Variants in OSBPL5 observed in about 807,000 individuals in gnomAD.
OSBPL5 encodes oxysterol-binding protein-related protein 5.
In OSBPL5, 71 loss-of-function variants were observed where a neutral mutation model predicts 111.2. That is an observed-to-expected ratio of 0.64 (90% CI 0.53 to 0.78). The LOEUF (loss-of-function observed/expected upper bound fraction) is 0.78. Among genes scored for constraint, OSBPL5 ranks in the 30% least tolerant of loss-of-function variants. The probability of loss-of-function intolerance (pLI) is 0.00; values close to 1 mark genes in which losing one functional copy is unlikely to be tolerated. For missense variants in OSBPL5, 1,210 were observed against 1,189.3 expected, an observed-to-expected ratio of 1.02 and a Z score of -0.26; for synonymous variants, 549 against 513.9, an observed-to-expected ratio of 1.07 and a Z score of -0.93.
At chr11:3,153,869 T>G (rs1846665961) in intron 1 of OSBPL5, among the ~76,000 whole-genome samples, 1 of 152,204 alleles carries the variant, frequency 6.6e-6, no homozygotes, top group African/African-American at 2.4e-5. Context: ...TCATTTTCTT[T>G]TTTGCTACAT....
intron 1 of OSBPL5, among the ~76,000 whole-genome samples, chr11:3,148,262 T>G (rs1015631438): frequency 1.3e-5 from 2 of 152,220 alleles, no homozygotes; most frequent in African/African-American, 4.8e-5. Flanking sequence ...CTCCCCAAGG[T>G]CATGAGGGGC....
At chr11:3,097,529 G>GAAAA (rs1857315884) in intron 14 of OSBPL5, among the ~76,000 whole-genome samples, 1 of 152,090 alleles carries the variant, frequency 6.6e-6, no homozygotes, top group African/African-American at 2.4e-5. Flanking sequence ...CCAACAAAAC[G>GAAAA]AAAACAAACA....
At position 3,092,394 on chromosome 11, in the gene OSBPL5, C is replaced by T; in HGVS notation, c.2259+38G>A. 1 of 1,540,178 alleles carries T rather than the reference C, an allele frequency of 6.5e-7. No homozygotes were observed. ...GGGGTGGTGGTGGCCACACGTGCAG[C>T]TAAGACCAGCCCTGGGTGGGGCCTG... is the stretch of plus-strand genomic sequence containing the variant. On this transcript the variant is annotated intron_variant, in intron 19 of 21. Transcript: ENST00000263650. The surrounding 1 kb of genome is among the most constrained non-coding windows in gnomAD (Gnocchi z 5.4).
At position 3,104,179 on chromosome 11, in the gene OSBPL5, G is replaced by A. The variant is rs772309275; in HGVS notation, c.1244+14C>T. On this transcript the variant is annotated intron_variant, in intron 10 of 21. Coordinates refer to ENST00000263650, the MANE Select transcript of OSBPL5 (RefSeq NM_020896.4). This position sits in a 1 kb window ranked among gnomAD's most constrained non-coding sequence, Gnocchi z 5.0. Reference sequence around the variant, plus strand: ...GGACGAGGTGTGGGGTGCCCCTCCCGGCATGGCGCGCACCTGGAGAGCAGG... The same window carrying A: ...GGACGAGGTGTGGGGTGCCCCTCCCAGCATGGCGCGCACCTGGAGAGCAGG... 2.0e-5 allele frequency: 32 copies of A among 1,592,472 alleles called. No homozygotes were observed. The highest frequency in any genetic ancestry group is 1.6e-4 in the South Asian group (14 of 90,062).
intron 1 of OSBPL5, among the ~76,000 whole-genome samples, chr11:3,132,968 T>C (rs959321321): frequency 4.0e-5 from 6 of 151,470 alleles, no homozygotes; most frequent in African/African-American, 1.5e-4. Flanking sequence ...TCGGTGGTTG[T>C]GCAGCAGGCA....
At position 3,142,929 on chromosome 11, in the gene OSBPL5, A is replaced by G. The variant is rs1313692707; in HGVS notation, c.-21-13760T>C. On this transcript the variant is annotated intron_variant, in intron 1 of 21. Coordinates refer to ENST00000263650, the MANE Select transcript of OSBPL5 (RefSeq NM_020896.4). The surrounding 1 kb of genome is among the most constrained non-coding windows in gnomAD (Gnocchi z 7.1). ...ACGGCACACGGGGTGGGGGTGTGTG[A>G]GCAGAGACCCTTGGGACCCAGCATC... Among the ~76,000 whole-genome samples the G allele has an allele frequency of 2.0e-5, 3 of 149,954 alleles. No homozygotes were observed. The highest frequency in any genetic ancestry group is 7.4e-5 in the African/African-American group (3 of 40,608).
chr11:3,122,865 T>TCGG (rs1858471952), intron 3 of OSBPL5, among the ~76,000 whole-genome samples: 1 of 152,012 alleles, frequency 6.6e-6, no homozygotes, highest in South Asian at 2.1e-4. Context: ...GAAGAGGAGC[T>TCGG]CGGCGGCGGC....
At chr11:3,164,261 C>G (rs76023520) in intron 1 of OSBPL5, 1 of 152,274 alleles carries the variant, frequency 6.6e-6, no homozygotes, top group African/African-American at 2.4e-5. Flanking sequence ...CCAGCCGCTT[C>G]GGCGGGGCAG....
At chr11:3,151,891 G>A (rs755872368) in intron 1 of OSBPL5, among the ~76,000 whole-genome samples, 20 of 152,358 alleles carry the variant, frequency 1.3e-4, no homozygotes, top group Non-Finnish European at 2.5e-4. Flanking sequence ...GGCTGCTCCT[G>A]GAGAGGGGCC....
rs752409175 is a variant in OSBPL5 at position 3,129,103 on chromosome 11, G to A, written c.46C>T (p.Pro16Ser). Reference protein sequence around the residue: ...FLRRRFSLCPPSSTPQKVDPR... With the variant: ...FLRRRFSLCPSSSTPQKVDPR... ...TCGACTTTCTGAGGGGTGGAGGAAGGTGGACACAGGGAGAAGCGGCGCCGG... is the reference window on the plus strand; with the variant it reads ...TCGACTTTCTGAGGGGTGGAGGAAGATGGACACAGGGAGAAGCGGCGCCGG... The change falls in exon 2 of 22, where the codon CCT becomes TCT. Residue 16 changes from proline to serine, a missense_variant. Coordinates refer to ENST00000263650, the MANE Select transcript of OSBPL5 (RefSeq NM_020896.4). 6.5e-7 allele frequency: 1 copy of A among 1,542,420 alleles called. No homozygotes were observed.
intron 14 of OSBPL5, among the ~76,000 whole-genome samples, chr11:3,098,189 G>T (rs569279456): frequency 1.3e-5 from 2 of 151,422 alleles, no homozygotes; most frequent in Non-Finnish European, 2.9e-5. Context: ...TGAGTTACAC[G>T]TCAAGTTAAT....
At position 3,140,996 on chromosome 11, in the gene OSBPL5, G is replaced by A. The variant is rs1846095683; in HGVS notation, c.-21-11827C>T. On this transcript the variant is annotated intron_variant, in intron 1 of 21. Transcript: ENST00000263650. This position sits in a 1 kb window ranked among gnomAD's most constrained non-coding sequence, Gnocchi z 4.5. ...AGGGGTCACACACTGCAGAGAAGAA[G>A]ACACAAAGCCTGGCAGGTAGGACCC... Among the ~76,000 whole-genome samples, 1 of 152,172 alleles carries A rather than the reference G, an allele frequency of 6.6e-6. No homozygotes were observed. Among genetic ancestry groups the A allele is most frequent in the Non-Finnish European group, 1.5e-5 (1 of 68,024 alleles).
At chr11:3,163,529 T>TGGGGGTGGGGGG (rs1564873392) in intron 1 of OSBPL5, among the ~76,000 whole-genome samples, 9 of 102,800 alleles carry the variant, frequency 8.8e-5, no homozygotes, top group Admixed American at 1.8e-4. Context: ...AGGGGTTGGG[T>TGGGGGTGGGGGG]GGGGGGGGCG....
At position 3,093,519 on chromosome 11, in the gene OSBPL5, G is replaced by T; in HGVS notation, c.1946+8C>A. 6.2e-7 allele frequency: 1 copy of T among 1,606,576 alleles called. No individual in the cohort carries two copies. The highest frequency in any genetic ancestry group is 8.5e-7 in the Non-Finnish European group (1 of 1,179,304). ...TCAGCAGGGTCCCTGGGCGCTGACA[G>T]GCCTCACCTCTCGGACTCCAGCTCC... On this transcript the variant is annotated splice_region_variant and intron_variant, in intron 17 of 21. Transcript: ENST00000263650.
Position 3,107,696 on chromosome 11 carries a change from G to A in OSBPL5, c.866+75C>T. On this transcript the variant is annotated intron_variant, in intron 8 of 21. Transcript: ENST00000263650. This position sits in a 1 kb window ranked among gnomAD's most constrained non-coding sequence, Gnocchi z 6.1. ...GCCCACCAGAGCAGTGGCTGGGGCTGTCCTCTCCCCTCTTCCTCGCCTACA... is the reference window on the plus strand; with the variant it reads ...GCCCACCAGAGCAGTGGCTGGGGCTATCCTCTCCCCTCTTCCTCGCCTACA... 1.3e-6 allele frequency: 2 copies of A among 1,561,228 alleles called. No individual in the cohort carries two copies. The highest frequency in any genetic ancestry group is 1.7e-6 in the Non-Finnish European group (2 of 1,149,492).
chr11:3,134,283 C>G (rs1845891419), intron 1 of OSBPL5, among the ~76,000 whole-genome samples: 1 of 152,214 alleles, frequency 6.6e-6, no homozygotes, highest in Admixed American at 6.5e-5. Flanking sequence ...CCTGTGTTTG[C>G]CACTGTAGCC....
rs2134526405 is a variant in OSBPL5 at position 3,146,356 on chromosome 11, G to A, written c.-21-17187C>T. ...TCCGGGGGAGGTGAGGGCAGACGAG[G>A]AGGGGAACTCACGGGAAGGTAGGAA... On this transcript the variant is annotated intron_variant, in intron 1 of 21. Coordinates refer to ENST00000263650, the MANE Select transcript of OSBPL5 (RefSeq NM_020896.4). This position sits in a 1 kb window ranked among gnomAD's most constrained non-coding sequence, Gnocchi z 7.8. The A allele has an allele frequency of 6.6e-6, 1 of 152,508 alleles. No homozygotes were observed. Among genetic ancestry groups the A allele is most frequent in the East Asian group, 1.9e-4 (1 of 5,174 alleles). The allele number at this position is 152,508 out of a possible 1,614,324, so 9.4% of individuals were successfully genotyped here. A position where few individuals can be genotyped will look rare whatever the true frequency, so the allele number is the denominator to read the frequency against.
intron 2 of OSBPL5, 94 bp downstream of exon 2, chr11:3,128,919 G>T: frequency 8.7e-7 from 1 of 1,153,094 alleles, no homozygotes; most frequent in Non-Finnish European, 1.1e-6. Context: ...GGAAGCTGTG[G>T]ACCTCAAGGG....
In OSBPL5 at chr11:3,094,737, C is replaced by A. The variant is rs578212532; in HGVS notation, c.1622-403G>T. ...TCGTGCTTCACTTGACTCTGCAGTT[C>A]CCGCTCTGGCATTGGGCTCCTGAGG... On this transcript the variant is annotated intron_variant, in intron 14 of 21. Coordinates refer to ENST00000263650, the MANE Select transcript of OSBPL5 (RefSeq NM_020896.4). 18 of 174,474 alleles carry A rather than the reference C, an allele frequency of 1.0e-4. 1 individual carries two copies. In the East Asian group the frequency reaches 2.7e-3, roughly 26 times the overall value. The allele number at this position is 174,474 out of a possible 1,614,324, so 10.8% of individuals were successfully genotyped here.
Sources: allele counts gnomAD v4.1 joint callset (sites outside exome capture counted in the v4.1 genomes callset), GRCh38; gene constraint gnomAD v4.1.1; non-coding constraint Gnocchi (gnomAD v3.1); transcripts MANE v1.5; gene names NCBI Gene and HGNC (gene_info 2026-07-23, HGNC 2026-07-21).